The following WWP2 variants were observed in gnomAD, a reference collection of about 807,000 sequenced individuals.
WWP2 encodes the protein WW domain containing E3 ubiquitin protein ligase 2.
Under a neutral mutation model 121.0 loss-of-function variants are expected in WWP2, and 57 were observed. The ratio of observed to expected loss-of-function variants is 0.47; its 90% CI spans 0.38 to 0.59. The LOEUF (loss-of-function observed/expected upper bound fraction) is 0.59. Ranked by LOEUF, WWP2 falls within the 20% of genes least tolerant of loss-of-function variation. The pLI is 0.00. For synonymous variants in WWP2, 449 were observed against 441.3 expected (o/e 1.02, Z -0.22); for missense variants, 962 against 1,158.9 (o/e 0.83, Z 2.47).
chr16:69,938,691 C>T (rs2058835280), intron 21 of WWP2, among the ~76,000 whole-genome samples: 1 of 152,160 alleles, frequency 6.6e-6, no homozygotes, highest in African/African-American at 2.4e-5. Flanking sequence ...AATTCTGGAA[C>T]ATTTCATCTC....
intron 6 of WWP2, among the ~76,000 whole-genome samples, chr16:69,867,355 A>G (rs1433614206): frequency 6.6e-6 from 1 of 152,198 alleles, no homozygotes; most frequent in East Asian, 1.9e-4. Context: ...AAATCACAGC[A>G]TTTCCACTAA....
At chr16:69,864,598 G>A (rs1323158567) in intron 6 of WWP2, among the ~76,000 whole-genome samples, 1 of 152,006 alleles carries the variant, frequency 6.6e-6, no homozygotes, top group Non-Finnish European at 1.5e-5. Context: ...CACCCAGGCT[G>A]GAGTGCAGTG....
chr16:69,818,364 C>T (rs958414581), intron 4 of WWP2, among the ~76,000 whole-genome samples: 4 of 152,064 alleles, frequency 2.6e-5, no homozygotes, highest in Admixed American at 2.0e-4. Flanking sequence ...CCTGCCACCA[C>T]GCCCAGCTAA....
chr16:69,840,105 G>A (rs1567696459), intron 4 of WWP2, 21 bp from the exon 5 acceptor site: 1 of 1,614,068 alleles, frequency 6.2e-7, no homozygotes, highest in East Asian at 2.2e-5. Context: ...GCCCATCCAT[G>A]TTGCCTTTTG....
Position 69,883,990 on chromosome 16 carries a change from C to G in WWP2, c.704-4049C>G, listed in dbSNP as rs149732292. On this transcript the variant is annotated intron_variant, in intron 7 of 23. Transcript: ENST00000359154. The stretch of plus-strand genomic sequence containing the variant: ...TTTTAATAGTTATATGTTACTAAAA[C>G]TTTAAAAAAATAAAAGCTTAGACAG... Among the ~76,000 whole-genome samples the G allele has an allele frequency of 7.7e-3, 1,173 of 152,280 alleles. 16 individuals are homozygous for G. The highest frequency in any genetic ancestry group is 0.027 in the African/African-American group (1,127 of 41,554).
chr16:69,858,531 C>G (rs531034253), intron 6 of WWP2, among the ~76,000 whole-genome samples: 55 of 152,176 alleles, frequency 3.6e-4, no homozygotes, highest in African/African-American at 1.2e-3. Context: ...ATCACAGCCG[C>G]CTTGTGCTTG....
intron 4 of WWP2, among the ~76,000 whole-genome samples, chr16:69,815,766 G>A (rs1247000319): frequency 5.5e-5 from 8 of 144,488 alleles, no homozygotes; most frequent in Admixed American, 7.1e-5. Flanking sequence ...CAGCCTGGGC[G>A]ACAGAACAAG....
At chr16:69,900,524 C>CT (rs58813634) in intron 8 of WWP2, among the ~76,000 whole-genome samples, 55 of 147,178 alleles carry the variant, frequency 3.7e-4, no homozygotes, top group Admixed American at 4.8e-4. Context: ...ATGTTGCCAA[C>CT]TTTTTTTTTT....
intron 1 of WWP2, among the ~76,000 whole-genome samples, chr16:69,786,364 T>C (rs1412579769): frequency 6.6e-6 from 1 of 151,350 alleles, no homozygotes; most frequent in African/African-American, 2.4e-5. Flanking sequence ...CAGACTGGTG[T>C]TGAACTCCCA....
At position 69,799,478 on chromosome 16, in the gene WWP2, G is replaced by T; in HGVS notation, c.340+183G>T. ...CTCTCTGCCTCCACTACAGAGTTTA[G>T]CCCTCTTTGTCCAGGGCCTCTAGTA... On this transcript the variant is annotated intron_variant, in intron 4 of 23. Coordinates refer to ENST00000359154, the MANE Select transcript of WWP2 (RefSeq NM_001270454.2). This position sits in a 1 kb window ranked among gnomAD's most constrained non-coding sequence, Gnocchi z 4.5. 2 of 763,602 alleles carry T rather than the reference G, an allele frequency of 2.6e-6. No homozygotes were observed. Among genetic ancestry groups the T allele is most frequent in the Non-Finnish European group, 4.0e-6 (2 of 504,418 alleles). 47.3% of individuals were successfully genotyped at this position (763,602 alleles called of 1,614,324 possible).
chr16:69,798,856 C>A (rs769787214), intron 3 of WWP2, 27 bp downstream of exon 3: 1 of 1,611,638 alleles, frequency 6.2e-7, no homozygotes. Flanking sequence ...TCTTTTTGAA[C>A]GCAGCAAGAT....
At chr16:69,819,328 G>A (rs890224498) in intron 4 of WWP2, among the ~76,000 whole-genome samples, 25 of 152,150 alleles carry the variant, frequency 1.6e-4, no homozygotes, top group South Asian at 1.2e-3. Context: ...TTCCCTATGA[G>A]CCCACCGGCC....
chr16:69,764,690 C>T (rs1486682362), intron 1 of WWP2, among the ~76,000 whole-genome samples: 3 of 152,130 alleles, frequency 2.0e-5, no homozygotes, highest in Admixed American at 1.3e-4. Context: ...CTGTCTTTGC[C>T]AGGCATTGTT....
chr16:69,920,369 T>C (rs1035919277), intron 10 of WWP2, among the ~76,000 whole-genome samples: 2 of 152,132 alleles, frequency 1.3e-5, no homozygotes, highest in African/African-American at 2.4e-5. Context: ...CTGCCACACA[T>C]GCCTGACATC....
chr16:69,859,405 A>ATT (rs1375159542), intron 6 of WWP2, among the ~76,000 whole-genome samples: 2 of 152,046 alleles, frequency 1.3e-5, no homozygotes, highest in Non-Finnish European at 2.9e-5. Flanking sequence ...AAATACAGAA[A>ATT]TTAGCTAGGC....
chr16:69,924,949 T>C, intron 10 of WWP2: 1 of 987,534 alleles, frequency 1.0e-6, no homozygotes, highest in Non-Finnish European at 1.2e-6. Flanking sequence ...TGGGCAGGGC[T>C]TGTGGGAATG....
chr16:69,864,724 A>ATTT (rs1255768791), intron 6 of WWP2, among the ~76,000 whole-genome samples: 4 of 137,772 alleles, frequency 2.9e-5, no homozygotes, highest in African/African-American at 1.1e-4. Context: ...GAATTTTTGC[A>ATTT]TTTTTTTTTT....
At chr16:69,811,963 C>T (rs1264666125) in intron 4 of WWP2, among the ~76,000 whole-genome samples, 3 of 152,068 alleles carry the variant, frequency 2.0e-5, no homozygotes, top group Non-Finnish European at 4.4e-5. Context: ...TACTACAGTA[C>T]AATTAACAAA....
At chr16:69,933,274 A>C (rs2058745454) in intron 16 of WWP2, 1 of 381,194 alleles carries the variant, frequency 2.6e-6, no homozygotes, top group Admixed American at 3.1e-5. Context: ...GGTTTAGCTC[A>C]AGCCCAAAAG....
Sources: allele counts gnomAD v4.1 joint callset (sites outside exome capture counted in the v4.1 genomes callset), GRCh38; gene constraint gnomAD v4.1.1; non-coding constraint Gnocchi (gnomAD v3.1); transcripts MANE v1.5; gene names NCBI Gene and HGNC (gene_info 2026-07-23, HGNC 2026-07-21).